The following DTWD2 variants were observed in gnomAD, a reference collection of about 807,000 sequenced individuals.
DTWD2 encodes DTW motif tRNA-uridine aminocarboxypropyltransferase 2, also known as tRNA-uridine aminocarboxypropyltransferase 2.
Under a neutral mutation model 31.8 loss-of-function variants are expected in DTWD2, and 39 were observed. That is an observed-to-expected ratio of 1.22 (90% CI 0.95 to 1.60). DTWD2 has a LOEUF of 1.60. Ranked by LOEUF, DTWD2 falls within the 40% of genes most tolerant of loss-of-function variation. DTWD2 has a pLI of 0.00. For missense variants in DTWD2, 515 were observed against 381.5 expected (o/e 1.35, Z -2.92); for synonymous variants, 180 against 142.8 (o/e 1.26, Z -1.86).
chr5:118,849,459 A>G (rs940565919), intron 4 of DTWD2, among the ~76,000 whole-genome samples: 1 of 152,212 alleles, frequency 6.6e-6, no homozygotes, highest in African/African-American at 2.4e-5. Flanking sequence ...ACTGTAGAAG[A>G]CAGCGTGGCA....
chr5:118,958,739 C>T (rs1035926523), intron 1 of DTWD2, among the ~76,000 whole-genome samples: 2 of 152,014 alleles, frequency 1.3e-5, no homozygotes, highest in African/African-American at 2.4e-5. Flanking sequence ...ACATCAAAAA[C>T]AAATTCACTG....
At chr5:118,849,080 G>GA (rs1280883444) in intron 4 of DTWD2, among the ~76,000 whole-genome samples, 3 of 152,146 alleles carry the variant, frequency 2.0e-5, no homozygotes, top group African/African-American at 7.2e-5. Flanking sequence ...TCATCAGAGT[G>GA]AACAGGCAAC....
At chr5:118,895,491 AC>A (rs1181254334) in intron 4 of DTWD2, among the ~76,000 whole-genome samples, 7 of 152,218 alleles carry the variant, frequency 4.6e-5, no homozygotes. Flanking sequence ...GACATTCTTC[AC>A]AGAAACAGAA....
At chr5:118,878,189 A>G (rs1467816392) in intron 4 of DTWD2, among the ~76,000 whole-genome samples, 1 of 152,226 alleles carries the variant, frequency 6.6e-6, no homozygotes. Flanking sequence ...ACCAAAAAAG[A>G]GCCCAAATAG....
intron 1 of DTWD2, among the ~76,000 whole-genome samples, chr5:118,964,186 C>A (rs1184281164): frequency 2.0e-5 from 3 of 149,200 alleles, no homozygotes; most frequent in Non-Finnish European, 4.4e-5. Context: ...CCACTACACT[C>A]CAACCTGAGC....
intron 1 of DTWD2, 147 bp downstream of exon 1, chr5:118,988,147 C>A: frequency 3.1e-6 from 3 of 968,630 alleles, no homozygotes; most frequent in Non-Finnish European, 4.8e-6. Context: ...CTGTGCCTGG[C>A]ATTTCCGAGA....
At chr5:118,958,214 G>C (rs922922391) in intron 1 of DTWD2, among the ~76,000 whole-genome samples, 2 of 152,072 alleles carry the variant, frequency 1.3e-5, no homozygotes, top group African/African-American at 2.4e-5. Context: ...CAGCACTTTG[G>C]GGGGCCAAGG....
chr5:118,845,763 C>T (rs867548501), intron 5 of DTWD2, among the ~76,000 whole-genome samples: 1 of 152,170 alleles, frequency 6.6e-6, no homozygotes, highest in Non-Finnish European at 1.5e-5. Flanking sequence ...TGTCACCATT[C>T]TGTTGTCTTA....
At chr5:118,855,306 T>C (rs1275469694) in intron 4 of DTWD2, among the ~76,000 whole-genome samples, 1 of 149,198 alleles carries the variant, frequency 6.7e-6, no homozygotes, top group Non-Finnish European at 1.5e-5. Flanking sequence ...TAAAAGAAAT[T>C]CCAAAAAAAG....
chr5:118,862,509 A>G (rs536752560), intron 4 of DTWD2, among the ~76,000 whole-genome samples: 18 of 152,224 alleles, frequency 1.2e-4, no homozygotes, highest in Non-Finnish European at 1.9e-4. Flanking sequence ...ACAGGTCTTT[A>G]GTGTGATTTA....
intron 4 of DTWD2, among the ~76,000 whole-genome samples, chr5:118,862,226 G>A (rs773446288): frequency 3.9e-5 from 6 of 152,132 alleles, no homozygotes; most frequent in African/African-American, 7.2e-5. Context: ...CAAAACCATC[G>A]CTCCATTCGT....
Position 118,848,193 on chromosome 5 carries a change from C to CT in DTWD2, c.622dup (p.Ser208LysfsTer11), listed in dbSNP as rs759676874. Reference sequence around the variant, plus strand: ...CGGCTGCATCCGAATTACATACTGACTAGAAATGCTAGTTTTTAATTGCAC... The same window carrying CT: ...CGGCTGCATCCGAATTACATACTGACTTAGAAATGCTAGTTTTTAATTGCAC... On this transcript the variant is annotated frameshift_variant, in exon 5 of 6. Transcript: ENST00000510708. LOFTEE classifies it high-confidence loss of function. 3 of 1,600,948 alleles carry CT rather than the reference C, an allele frequency of 1.9e-6. No individual in the cohort carries two copies. In the African/African-American group the frequency reaches 4.0e-5, roughly 22 times the overall value.
At chr5:118,861,208 T>C (rs953662281) in intron 4 of DTWD2, among the ~76,000 whole-genome samples, 1 of 152,236 alleles carries the variant, frequency 6.6e-6, no homozygotes, top group Admixed American at 6.5e-5. Flanking sequence ...TGCAATGCAG[T>C]TTTTATTGGT....
At chr5:118,850,183 G>A (rs1015839191) in intron 4 of DTWD2, among the ~76,000 whole-genome samples, 5 of 151,508 alleles carry the variant, frequency 3.3e-5, no homozygotes, top group African/African-American at 1.2e-4. Context: ...ATTCAAGATG[G>A]CCAGGTGGAG....
chr5:118,895,728 C>T (rs2149562619), intron 4 of DTWD2, among the ~76,000 whole-genome samples: 1 of 152,192 alleles, frequency 6.6e-6, no homozygotes. Flanking sequence ...CAGACAACTC[C>T]TTTTCAACAG....
intron 4 of DTWD2, among the ~76,000 whole-genome samples, chr5:118,870,936 T>C (rs1212357107): frequency 6.7e-6 from 1 of 149,188 alleles, no homozygotes; most frequent in Non-Finnish European, 1.5e-5. Context: ...TAATAACTTA[T>C]ATAATATATA....
intron 3 of DTWD2, among the ~76,000 whole-genome samples, chr5:118,938,768 G>T (rs1754108951): frequency 7.0e-6 from 1 of 142,606 alleles, no homozygotes; most frequent in Non-Finnish European, 1.5e-5. Context: ...GGCACCATAG[G>T]GGAAAAAAAA....
At chr5:118,988,231 G>A (rs1755475408) in intron 1 of DTWD2, 63 bp downstream of exon 1, 3 of 1,528,332 alleles carry the variant, frequency 2.0e-6, no homozygotes, top group Non-Finnish European at 1.8e-6. Flanking sequence ...CCGGCAGGGG[G>A]CGCCGCACCC....
chr5:118,854,172 C>G (rs990470228), intron 4 of DTWD2, among the ~76,000 whole-genome samples: 1 of 152,060 alleles, frequency 6.6e-6, no homozygotes, highest in African/African-American at 2.4e-5. Context: ...AAATGGAATA[C>G]ATTTCCATTT....
Sources: allele counts gnomAD v4.1 joint callset (sites outside exome capture counted in the v4.1 genomes callset), GRCh38; gene constraint gnomAD v4.1.1; transcripts MANE v1.5; gene names NCBI Gene and HGNC (gene_info 2026-07-23, HGNC 2026-07-21).